INPP4B: variants seen among roughly 807,000 people sequenced by gnomAD.
INPP4B encodes the protein inositol polyphosphate-4-phosphatase type II B.
Under a neutral mutation model 122.5 loss-of-function variants are expected in INPP4B, and 55 were observed. That is an observed-to-expected ratio of 0.45 (90% CI 0.36 to 0.56). INPP4B has a LOEUF of 0.56. INPP4B is among the 20% of genes least tolerant of loss of function. INPP4B has a pLI of 0.00. For missense variants in INPP4B, 1,000 were observed against 1,097.7 expected, an observed-to-expected ratio of 0.91 and a Z score of 1.26; for synonymous variants, 403 against 388.7, an observed-to-expected ratio of 1.04 and a Z score of -0.43.
chr4:142,512,548 C>G (rs1428029371), intron 2 of INPP4B, among the ~76,000 whole-genome samples: 1 of 152,132 alleles, frequency 6.6e-6, no homozygotes. Flanking sequence ...GTAAACATTA[C>G]TACTTGAGCT....
At chr4:142,657,981 A>G (rs1017227236) in intron 2 of INPP4B, among the ~76,000 whole-genome samples, 3 of 152,218 alleles carry the variant, frequency 2.0e-5, no homozygotes, top group East Asian at 1.9e-4. Context: ...GTTTAGGTAC[A>G]TAGGATTGCC....
intron 7 of INPP4B, among the ~76,000 whole-genome samples, chr4:142,387,052 A>C (rs1011218374): frequency 1.3e-5 from 2 of 152,118 alleles, no homozygotes; most frequent in African/African-American, 4.8e-5. Flanking sequence ...ACTGGGTTTG[A>C]CAGTTGTGAC....
intron 2 of INPP4B, among the ~76,000 whole-genome samples, chr4:142,606,413 T>TA (rs1017082455): frequency 6.6e-6 from 1 of 151,670 alleles, no homozygotes; most frequent in South Asian, 2.1e-4. Flanking sequence ...GATACCAACA[T>TA]AAAAAAATAA....
intron 7 of INPP4B, among the ~76,000 whole-genome samples, chr4:142,393,036 A>T (rs1798239540): frequency 6.6e-6 from 1 of 152,208 alleles, no homozygotes; most frequent in Non-Finnish European, 1.5e-5. Flanking sequence ...TTAAATGTTT[A>T]TATGTACCCA....
chr4:142,386,576 C>T (rs570754714), intron 7 of INPP4B, among the ~76,000 whole-genome samples: 1 of 152,322 alleles, frequency 6.6e-6, no homozygotes, highest in South Asian at 2.1e-4. Flanking sequence ...ACTTCAACCA[C>T]TTGAACACTG....
At chr4:142,339,867 AAAT>A (rs1440643641) in intron 7 of INPP4B, among the ~76,000 whole-genome samples, 3 of 152,210 alleles carry the variant, frequency 2.0e-5, no homozygotes, top group African/African-American at 4.8e-5. Context: ...GTAGTATTAA[AAAT>A]AATAAGTATC....
At chr4:142,273,647 G>A in intron 9 of INPP4B, among the ~76,000 whole-genome samples, 1 of 151,720 alleles carries the variant, frequency 6.6e-6, no homozygotes, top group East Asian at 1.9e-4. Flanking sequence ...TTCCTTTTGG[G>A]TTTCCTATTT....
At chr4:142,807,336 G>A (rs369980165) in intron 1 of INPP4B, among the ~76,000 whole-genome samples, 5 of 152,186 alleles carry the variant, frequency 3.3e-5, no homozygotes, top group African/African-American at 1.2e-4. Context: ...CATTCCAGGA[G>A]GACGAGATTG....
intron 7 of INPP4B, among the ~76,000 whole-genome samples, chr4:142,401,091 AC>A (rs1483000833): frequency 2.0e-5 from 3 of 152,106 alleles, no homozygotes; most frequent in African/African-American, 4.8e-5. Flanking sequence ...GCTTTGCAGA[AC>A]GTAAAATCCT....
At position 142,628,320 on chromosome 4, in the gene INPP4B, T is replaced by C. The variant is rs867868297; in HGVS notation, c.-191+97519A>G. Among the ~76,000 whole-genome samples the C allele has an allele frequency of 4.5e-4, 65 of 143,658 alleles. No homozygotes were observed. In the Middle Eastern group the frequency reaches 0.011, roughly 24 times the overall value. The allele number at this position is 143,658 out of a possible 152,430, so 94.2% of individuals were successfully genotyped here. On this transcript the variant is annotated intron_variant, in intron 2 of 25. Coordinates refer to ENST00000262992, the MANE Select transcript of INPP4B (RefSeq NM_001101669.3). ...GTAAACTATCACAAGAACAAAAAAC[T>C]AAACACCGCATATTCTCACTCATAG... is the stretch of plus-strand genomic sequence containing the variant.
chr4:142,814,074 G>A (rs768831647), intron 1 of INPP4B, among the ~76,000 whole-genome samples: 1 of 152,156 alleles, frequency 6.6e-6, no homozygotes, highest in Non-Finnish European at 1.5e-5. Flanking sequence ...ATTCTTACTT[G>A]GAAGTAGCTG....
At chr4:142,247,691 A>C (rs1020748891) in intron 11 of INPP4B, among the ~76,000 whole-genome samples, 7 of 151,776 alleles carry the variant, frequency 4.6e-5, no homozygotes, top group African/African-American at 1.7e-4. Flanking sequence ...TTTGTTCTTT[A>C]TTAGTCTGGC....
chr4:142,321,837 T>C (rs1034908345), intron 7 of INPP4B, among the ~76,000 whole-genome samples: 2 of 152,202 alleles, frequency 1.3e-5, no homozygotes, highest in Non-Finnish European at 2.9e-5. Context: ...TTGGTGGTCA[T>C]AGCCTTATAG....
At chr4:142,705,241 C>G (rs11732995) in intron 2 of INPP4B, among the ~76,000 whole-genome samples, 15,698 of 152,154 alleles carry the variant, frequency 0.1, 929 homozygotes, top group South Asian at 0.23. Context: ...TTCTCTATTG[C>G]CAATCCAGAT....
chr4:142,145,214 T>C (rs557121974), intron 18 of INPP4B, among the ~76,000 whole-genome samples: 84 of 152,284 alleles, frequency 5.5e-4, no homozygotes, highest in African/African-American at 2.0e-3. Context: ...TGAAAGTATC[T>C]GCCTTCCTAT....
chr4:142,316,010 G>A (rs888046441), intron 7 of INPP4B, among the ~76,000 whole-genome samples: 8 of 152,010 alleles, frequency 5.3e-5, no homozygotes, highest in African/African-American at 1.9e-4. Flanking sequence ...AGCTCCTCAT[G>A]GCCTGCTAAT....
intron 2 of INPP4B, among the ~76,000 whole-genome samples, chr4:142,533,477 TA>T (rs1223409808): frequency 4.6e-5 from 7 of 151,438 alleles, no homozygotes; most frequent in African/African-American, 1.2e-4. Context: ...ATTTTTTTTT[TA>T]AAAATAATGC....
At chr4:142,034,451 C>T (rs565383216) in intron 25 of INPP4B, among the ~76,000 whole-genome samples, 6 of 152,182 alleles carry the variant, frequency 3.9e-5, no homozygotes, top group Middle Eastern at 3.4e-3. Context: ...GCTCTGCCCC[C>T]GCGATCCCCT....
At chr4:142,653,684 C>T (rs926648570) in intron 2 of INPP4B, among the ~76,000 whole-genome samples, 4 of 152,098 alleles carry the variant, frequency 2.6e-5, no homozygotes, top group African/African-American at 9.7e-5. Flanking sequence ...CATCTCATAC[C>T]AATTAGAATG....
Sources: allele counts gnomAD v4.1 joint callset (sites outside exome capture counted in the v4.1 genomes callset), GRCh38; gene constraint gnomAD v4.1.1; transcripts MANE v1.5; gene names NCBI Gene and HGNC (gene_info 2026-07-23, HGNC 2026-07-21).